NOMO1: variants seen among roughly 807,000 people sequenced by gnomAD.
NOMO1 encodes NODAL modulator 1, also known as nodal modulator 3.
A neutral mutation model predicts 133.8 loss-of-function variants in NOMO1; 40 were observed. That is an observed-to-expected ratio of 0.30 (90% CI 0.23 to 0.39). The LOEUF is 0.39. Among genes scored for constraint, NOMO1 ranks in the 10% least tolerant of loss-of-function variants. The pLI is 1.00. For synonymous variants in NOMO1, 236 were observed against 570.5 expected, an observed-to-expected ratio of 0.41 and a Z score of 8.36; for missense variants, 462 against 1,419.9, an observed-to-expected ratio of 0.33 and a Z score of 10.84.
intron 9 of NOMO1, among the ~76,000 whole-genome samples, chr16:14,856,913 T>C (rs1409816677): frequency 1.3e-5 from 2 of 151,546 alleles, no homozygotes; most frequent in East Asian, 1.9e-4. Context: ...GGGGAGGAGA[T>C]GGCACCGGGG....
intron 4 of NOMO1, among the ~76,000 whole-genome samples, chr16:14,846,319 A>G (rs1963681151): frequency 6.6e-6 from 1 of 151,032 alleles, no homozygotes; most frequent in South Asian, 2.1e-4. Context: ...GAACCACCAC[A>G]CCCGCCCAGA....
rs2151006763 is a variant in NOMO1 at position 14,876,449 on chromosome 16, T to C, written c.2447T>C (p.Ile816Thr). The change falls in exon 21 of 31, where the codon ATT becomes ACT. Residue 816 changes from isoleucine to threonine, a missense_variant. Physicochemically the swap from Ile to Thr is moderately conservative, Grantham distance 89. Coordinates refer to ENST00000287667, the MANE Select transcript of NOMO1 (RefSeq NM_014287.4). The part of the protein sequence containing the change: ...QIHPELEGVE[I>T]VISEKGASSP... The stretch of plus-strand genomic sequence containing the variant: ...CACCCCGAGTTGGAAGGAGTCGAGA[T>C]TGTCATCAGTGAAAAGGGGGCAAGT... 2 of 1,611,300 alleles carry C rather than the reference T, an allele frequency of 1.2e-6. No individual in the cohort carries two copies. The highest frequency in any genetic ancestry group is 2.2e-5 in the South Asian group (2 of 90,946).
rs537970892 is a variant in NOMO1 at position 14,873,847 on chromosome 16, C to T, written c.2055-1189C>T. Among the ~76,000 whole-genome samples the T allele has an allele frequency of 4.0e-5, 6 of 151,806 alleles. No individual in the cohort carries two copies. In the East Asian group the frequency reaches 1.2e-3, roughly 30 times the overall value. Reference sequence around the variant, plus strand: ...AACCCGACTGCTGACAGTTGCCCTCCATGAGCCCCTCTGTGGTCTTTTCTG... The same window carrying T: ...AACCCGACTGCTGACAGTTGCCCTCTATGAGCCCCTCTGTGGTCTTTTCTG... On this transcript the variant is annotated intron_variant, in intron 18 of 30. Transcript: ENST00000287667.
Position 14,853,544 on chromosome 16 carries a change from G to C in NOMO1, c.813G>C (p.Thr271=), listed in dbSNP as rs758903904. ...QDESLVYLCY[T]VSREDGSFSF... ...AGAGTCTGGTGTATTTGTGCTACAC[G>C]GTCTCCAGAGAAGATGGCTCGTTCT... Residue 271 remains threonine, a synonymous_variant, in exon 8 of 31, where the codon ACG becomes ACC. Transcript: ENST00000287667. 1 of 1,607,896 alleles carries C rather than the reference G, an allele frequency of 6.2e-7. No homozygotes were observed. The highest frequency in any genetic ancestry group is 8.5e-7 in the Non-Finnish European group (1 of 1,179,092).
intron 3 of NOMO1, among the ~76,000 whole-genome samples, chr16:14,842,041 C>T (rs1963610837): frequency 6.6e-6 from 1 of 151,996 alleles, no homozygotes; most frequent in African/African-American, 2.4e-5. Context: ...TCAGAAACAG[C>T]CCTTCTGCAC....
chr16:14,837,447 G>A (rs879992707), intron 1 of NOMO1, among the ~76,000 whole-genome samples: 10 of 152,110 alleles, frequency 6.6e-5, no homozygotes, highest in South Asian at 2.1e-4. Context: ...CCAAGGCCAC[G>A]CAACACGTGG....
In NOMO1 at chr16:14,868,544, T is replaced by TTAG; in HGVS notation, c.1807-3_1807-1dup. ...TAGTCATTGTATTGGCTTTGCTTCC[T>TTAG]TAGGAATTTTATCAGGATGGAAATG... On this transcript the variant is annotated splice_polypyrimidine_tract_variant and splice_region_variant and intron_variant, in intron 15 of 30. Coordinates refer to ENST00000287667, the MANE Select transcript of NOMO1 (RefSeq NM_014287.4). The TTAG allele has an allele frequency of 1.2e-6, 2 of 1,611,926 alleles. No individual in the cohort carries two copies. The highest frequency in any genetic ancestry group is 1.7e-6 in the Non-Finnish European group (2 of 1,179,720).
intron 22 of NOMO1, among the ~76,000 whole-genome samples, chr16:14,877,869 A>G (rs1964183932): frequency 7.8e-6 from 1 of 128,740 alleles, no homozygotes; most frequent in Non-Finnish European, 1.7e-5. Context: ...AAGTGCATGT[A>G]TCCAACAATT....
At chr16:14,836,021 C>G (rs528306349) in intron 1 of NOMO1, among the ~76,000 whole-genome samples, 6 of 152,046 alleles carry the variant, frequency 3.9e-5, no homozygotes, top group African/African-American at 1.4e-4. Flanking sequence ...AAAAATTATA[C>G]TGGTTGCTAA....
Position 14,886,823 on chromosome 16 carries a change from C to A in NOMO1, c.3285C>A (p.Ser1095=), listed in dbSNP as rs377253579. ...NPIQTVSLGQ[S]LFFHFPPLLR... ...TCCAGACAGTTTCCCTTGGCCAGTC[C>A]CTGTTCTTCCATTTCCCCCCACTGC... The change falls in exon 28 of 31, where the codon TCC becomes TCA. Residue 1095 remains serine, a synonymous_variant. Coordinates refer to ENST00000287667, the MANE Select transcript of NOMO1 (RefSeq NM_014287.4). The A allele has an allele frequency of 6.2e-7, 1 of 1,611,674 alleles. No individual in the cohort carries two copies. The highest frequency in any genetic ancestry group is 8.5e-7 in the Non-Finnish European group (1 of 1,179,814).
At chr16:14,857,481 T>G in intron 10 of NOMO1, 24 bp from the exon 11 acceptor site, 2 of 1,608,278 alleles carry the variant, frequency 1.2e-6, no homozygotes, top group Middle Eastern at 3.3e-4. Flanking sequence ...GCTTATCTTC[T>G]GTTTGTGTGT....
chr16:14,892,720 A>G (rs1964424187), intron 29 of NOMO1, among the ~76,000 whole-genome samples: 1 of 151,258 alleles, frequency 6.6e-6, no homozygotes, highest in South Asian at 2.1e-4. Flanking sequence ...GGGCCCTCAC[A>G]GGTTGATCCT....
At chr16:14,894,264 T>C (rs1448490841) in intron 29 of NOMO1, among the ~76,000 whole-genome samples, 3 of 152,100 alleles carry the variant, frequency 2.0e-5, no homozygotes, top group African/African-American at 4.8e-5. Flanking sequence ...ATTGCTTTTC[T>C]CCAAAATGGG....
At chr16:14,843,548 C>T (rs1374725742) in intron 3 of NOMO1, among the ~76,000 whole-genome samples, 1 of 151,816 alleles carries the variant, frequency 6.6e-6, no homozygotes, top group African/African-American at 2.4e-5. Flanking sequence ...AATTTTAGCC[C>T]TTCTGGTGGG....
chr16:14,836,898 G>C (rs1029085057), intron 1 of NOMO1, among the ~76,000 whole-genome samples: 1 of 150,828 alleles, frequency 6.6e-6, no homozygotes, highest in African/African-American at 2.4e-5. Flanking sequence ...GTAGAGACGG[G>C]GTTTCACCTT....
intron 1 of NOMO1, among the ~76,000 whole-genome samples, chr16:14,835,908 C>A (rs1038629251): frequency 2.0e-5 from 3 of 151,976 alleles, no homozygotes; most frequent in African/African-American, 7.3e-5. Flanking sequence ...GAAGCCTTGT[C>A]CCCAGTGTGG....
At chr16:14,866,047 T>C (rs1220958527) in intron 14 of NOMO1, among the ~76,000 whole-genome samples, 1 of 144,852 alleles carries the variant, frequency 6.9e-6, no homozygotes, top group East Asian at 2.1e-4. Flanking sequence ...TAATGGAAAT[T>C]GGTTCCAGTT....
intron 23 of NOMO1, 62 bp downstream of exon 23, chr16:14,878,896 T>C (rs1277593396): frequency 2.5e-6 from 4 of 1,598,568 alleles, no homozygotes; most frequent in Non-Finnish European, 3.4e-6. Flanking sequence ...GGATGCAGCA[T>C]GCGAGACTTA....
rs1360283186 is a variant in NOMO1 at position 14,866,669 on chromosome 16, C to T, written c.1784C>T (p.Ser595Phe). ...CAGACGGGCTACATGCTGAGATGTTCCCTGTCTCACGCCATCACTCTGGTA... is the reference window on the plus strand; with the variant it reads ...CAGACGGGCTACATGCTGAGATGTTTCCTGTCTCACGCCATCACTCTGGTA... ...FRQTGYMLRC[S>F]LSHAITLEFY... The change falls in exon 15 of 31, where the codon TCC (serine) becomes TTC (phenylalanine). Residue 595 changes from serine to phenylalanine, a missense_variant. Transcript: ENST00000287667. 11 of 1,610,080 alleles carry T rather than the reference C, an allele frequency of 6.8e-6. No individual in the cohort carries two copies. The South Asian group carries it at 1.2e-4, about 18-fold the overall frequency.
Sources: gnomAD v4.1 joint callset for allele counts (sites outside exome capture counted in the v4.1 genomes callset) on GRCh38, gnomAD v4.1.1 for gene constraint, MANE v1.5 for transcripts, NCBI Gene and HGNC (gene_info 2026-07-23, HGNC 2026-07-21) for gene names.